The following AK3 variants were observed in gnomAD, a reference collection of about 807,000 sequenced individuals.
AK3 encodes GTP:AMP phosphotransferase AK3, mitochondrial.
In AK3, 27 loss-of-function variants were observed where a neutral mutation model predicts 23.7. The ratio of observed to expected loss-of-function variants is 1.14; its 90% CI spans 0.84 to 1.57. The LOEUF is 1.57. AK3 is among the 40% of genes most tolerant of loss of function. The pLI is 0.00. For missense variants in AK3, 406 were observed against 285.6 expected (o/e 1.42, Z -3.04); for synonymous variants, 159 against 116.0 (o/e 1.37, Z -2.38).
At chr9:4,729,062 G>A (rs1422807519) in intron 1 of AK3, among the ~76,000 whole-genome samples, 5 of 145,850 alleles carry the variant, frequency 3.4e-5, no homozygotes, top group Admixed American at 7.0e-5. Context: ...CCAGGCTGGA[G>A]TGCAATGGCG....
chr9:4,741,874 C>G (rs60893804), upstream of AK3: 632 of 152,718 alleles, frequency 4.1e-3, 1 homozygote, highest in African/African-American at 0.014. Flanking sequence ...CTTCGCCCTT[C>G]CCTCCTTCCT....
chr9:4,728,896 C>T lies in AK3; in HGVS notation c.152-6271G>A, dbSNP rs1244153948. On this transcript the variant is annotated intron_variant, in intron 1 of 4. Transcript: ENST00000381809. ...ACACACACACACATACATATATATA[C>T]ACATACTTATATATATACATACATA... Among the ~76,000 whole-genome samples, 6 of 127,858 alleles carry T rather than the reference C, an allele frequency of 4.7e-5. 1 individual carries two copies. Among genetic ancestry groups the T allele is most frequent in the East Asian group, 4.6e-4 (2 of 4,308 alleles). The allele number at this position is 127,858 out of a possible 152,430, so 83.9% of individuals were successfully genotyped here.
In AK3 at chr9:4,725,882, C is replaced by T. The variant is rs545866449; in HGVS notation, c.152-3257G>A. On this transcript the variant is annotated intron_variant, in intron 1 of 4. Coordinates refer to ENST00000381809, the MANE Select transcript of AK3 (RefSeq NM_016282.4). ...ACAAGGAGATACTACTTCACATTCA[C>T]GAACATGGTTATAGTCAAAAAGACA... is the stretch of plus-strand genomic sequence containing the variant. Among the ~76,000 whole-genome samples, 8 of 152,084 alleles carry T rather than the reference C, an allele frequency of 5.3e-5. No homozygotes were observed. The East Asian group carries it at 5.8e-4, about 11-fold the overall frequency.
chr9:4,723,057 T>G (rs1174821909), intron 1 of AK3, among the ~76,000 whole-genome samples: 1 of 151,460 alleles, frequency 6.6e-6, no homozygotes, highest in East Asian at 1.9e-4. Flanking sequence ...GGCAACAGAG[T>G]GAGACTCCGT....
At chr9:4,715,796 T>A (rs1238163894) in intron 4 of AK3, among the ~76,000 whole-genome samples, 1 of 152,156 alleles carries the variant, frequency 6.6e-6, no homozygotes, top group South Asian at 2.1e-4. Flanking sequence ...GTGGTGGTGT[T>A]ATCTGCCCAG....
At chr9:4,728,006 C>T (rs1021020181) in intron 1 of AK3, among the ~76,000 whole-genome samples, 1 of 152,082 alleles carries the variant, frequency 6.6e-6, no homozygotes, top group African/African-American at 2.4e-5. Context: ...AGTTTGCCAT[C>T]TTATATGGGT....
intron 2 of AK3, among the ~76,000 whole-genome samples, chr9:4,720,675 C>G (rs993651426): frequency 3.1e-5 from 4 of 130,134 alleles, no homozygotes; most frequent in South Asian, 2.6e-4. Context: ...GGTGACAGAG[C>G]AAGACACTGT....
rs538942006 is a variant in AK3 at position 4,730,280 on chromosome 9, T to A, written c.152-7655A>T. Among the ~76,000 whole-genome samples the A allele has an allele frequency of 2.6e-5, 4 of 152,280 alleles. No homozygotes were observed. In the East Asian group the frequency reaches 7.7e-4, roughly 29 times the overall value. ...GGTGATGGTTGCACAACTTTGGATA[T>A]GCTAAAAACCACTGAATCATACACT... On this transcript the variant is annotated intron_variant, in intron 1 of 4. Transcript: ENST00000381809.
At chr9:4,732,867 TCTC>T (rs1196241670) in intron 1 of AK3, among the ~76,000 whole-genome samples, 4 of 113,400 alleles carry the variant, frequency 3.5e-5, no homozygotes, top group African/African-American at 1.1e-4. Flanking sequence ...TCTCTCTCTC[TCTC>T]TTTTTTTTTT....
intron 2 of AK3, among the ~76,000 whole-genome samples, chr9:4,720,305 G>C (rs1248576860): frequency 6.6e-6 from 1 of 152,142 alleles, no homozygotes; most frequent in Non-Finnish European, 1.5e-5. Context: ...ACAAACTTCT[G>C]ACTTTGCAAT....
At chr9:4,721,313 G>T (rs1841889178) in intron 2 of AK3, among the ~76,000 whole-genome samples, 2 of 151,094 alleles carry the variant, frequency 1.3e-5, no homozygotes, top group South Asian at 4.2e-4. Context: ...TGAGGCAGGA[G>T]AATCACTTGA....
chr9:4,713,821 C>T (rs1307193445), intron 4 of AK3, among the ~76,000 whole-genome samples: 2 of 150,962 alleles, frequency 1.3e-5, no homozygotes, highest in East Asian at 1.9e-4. Flanking sequence ...CCTGGGGGTG[C>T]TTTTCAAGCC....
intron 1 of AK3, among the ~76,000 whole-genome samples, chr9:4,728,892 T>TATAC (rs1203936178): frequency 2.2e-5 from 3 of 135,026 alleles, no homozygotes; most frequent in African/African-American, 5.6e-5. Flanking sequence ...CATACATATA[T>TATAC]ATACACATAC....
intron 1 of AK3, among the ~76,000 whole-genome samples, chr9:4,728,756 G>A (rs916174083): frequency 1.3e-5 from 2 of 150,510 alleles, no homozygotes; most frequent in African/African-American, 2.5e-5. Flanking sequence ...AGCACTTTGG[G>A]AGGCCAAGGA....
chr9:4,730,499 A>C (rs1199626995), intron 1 of AK3, among the ~76,000 whole-genome samples: 3 of 152,208 alleles, frequency 2.0e-5, no homozygotes, highest in African/African-American at 7.2e-5. Context: ...GCTATTCAGG[A>C]AACTGAGGTG....
intron 1 of AK3, among the ~76,000 whole-genome samples, chr9:4,729,395 C>T (rs144015498): frequency 6.6e-6 from 1 of 152,144 alleles, no homozygotes; most frequent in Non-Finnish European, 1.5e-5. Flanking sequence ...AGGCTGAGGC[C>T]CAGGAGCTCA....
intron 2 of AK3, among the ~76,000 whole-genome samples, chr9:4,721,937 G>A (rs959888736): frequency 6.6e-6 from 1 of 152,222 alleles, no homozygotes; most frequent in Non-Finnish European, 1.5e-5. Flanking sequence ...AACACTGAGT[G>A]CACGCGTGCC....
intron 1 of AK3, among the ~76,000 whole-genome samples, chr9:4,739,681 G>C (rs7874642): frequency 0.51 from 76,678 of 151,622 alleles, 20,186 homozygotes; most frequent in African/African-American, 0.62. Context: ...CCTGTAATCC[G>C]AGCACTTTGG....
intron 4 of AK3, among the ~76,000 whole-genome samples, chr9:4,718,196 G>C (rs1841788668): frequency 6.6e-6 from 1 of 152,212 alleles, no homozygotes. Flanking sequence ...CACACAGGAA[G>C]GCAAAACCAA....
Sources: gnomAD v4.1 joint callset for allele counts (sites outside exome capture counted in the v4.1 genomes callset) on GRCh38, gnomAD v4.1.1 for gene constraint, MANE v1.5 for transcripts, NCBI Gene and HGNC (gene_info 2026-07-23, HGNC 2026-07-21) for gene names.